Variants in PLXND1 observed in about 807,000 individuals in gnomAD.
PLXND1 encodes plexin-D1.
In PLXND1, 54 loss-of-function variants were observed where a neutral mutation model predicts 197.7. The observed-to-expected ratio is 0.27, with a 90% CI of 0.22 to 0.34. PLXND1 has a LOEUF of 0.34. Among genes scored for constraint, PLXND1 ranks in the 10% least tolerant of loss-of-function variants. PLXND1 has a pLI of 1.00. For missense variants in PLXND1, 2,127 were observed against 2,699.2 expected, an observed-to-expected ratio of 0.79 and a Z score of 4.70; for synonymous variants, 1,180 against 1,161.2, an observed-to-expected ratio of 1.02 and a Z score of -0.33.
In PLXND1 at chr3:129,561,982, GGA is replaced by G. The variant is rs1304050565; in HGVS notation, c.4826-81_4826-80del. 4 of 893,958 alleles carry G rather than the reference GGA, an allele frequency of 4.5e-6. No homozygotes were observed. The African/African-American group carries it at 6.6e-5, about 15-fold the overall frequency. 55.4% of individuals were successfully genotyped at this position (893,958 alleles called of 1,614,324 possible). ...GGTAGGTACCGGCCCAGCCACATAG[GGA>G]GAGGCCTCTCGCTCTCTCCATGTAA... On this transcript the variant is annotated intron_variant, in intron 27 of 35. Coordinates refer to ENST00000324093, the MANE Select transcript of PLXND1 (RefSeq NM_015103.3).
intron 8 of PLXND1, among the ~76,000 whole-genome samples, chr3:129,581,709 C>A (rs2085389858): frequency 6.6e-6 from 1 of 152,226 alleles, no homozygotes; most frequent in African/African-American, 2.4e-5. Context: ...CATACAGCCA[C>A]AGCTCACACC....
Position 129,583,821 on chromosome 3 carries a change from T to C in PLXND1, c.2139-152A>G, listed in dbSNP as rs1370279200. The stretch of plus-strand genomic sequence containing the variant: ...GGGAAAGATTGGGTCTTTAAGGTAG[T>C]GAGCTGCCTGCTAACAAGAGGTATA... On this transcript the variant is annotated intron_variant, in intron 7 of 35. Transcript: ENST00000324093. The C allele has an allele frequency of 8.0e-6, 5 of 622,736 alleles. No homozygotes were observed. The East Asian group carries it at 8.2e-5, about 10-fold the overall frequency. 38.6% of individuals were successfully genotyped at this position (622,736 alleles called of 1,614,324 possible).
chr3:129,569,626 G>T (rs1166360824), intron 20 of PLXND1: 21 of 549,508 alleles, frequency 3.8e-5, no homozygotes, highest in Non-Finnish European at 5.9e-5. Flanking sequence ...CGTGGGCCTA[G>T]CATATCCCCT....
intron 23 of PLXND1, chr3:129,566,310 C>T: frequency 6.6e-6 from 4 of 604,430 alleles, no homozygotes; most frequent in Non-Finnish European, 1.2e-5. Context: ...GCCCAATCCT[C>T]TGTCTGCTCT....
intron 1 of PLXND1, among the ~76,000 whole-genome samples, chr3:129,604,826 G>A (rs940446179): frequency 1.1e-4 from 17 of 152,216 alleles, no homozygotes; most frequent in African/African-American, 3.6e-4. Flanking sequence ...TGGCACACAA[G>A]TCCATGCAGA....
chr3:129,589,323 C>CAA, intron 2 of PLXND1, 28 bp downstream of exon 2: 2 of 1,044,016 alleles, frequency 1.9e-6, no homozygotes, highest in Non-Finnish European at 1.4e-6. Flanking sequence ...CACCCCCACC[C>CAA]CCTCCCCACA....
chr3:129,605,983 G>A lies in PLXND1; in HGVS notation c.657C>T (p.Ser219=). ...VGATYTGYGS[S]FFPRNRSLED... ...CCAGGCTGCGGTTGCGCGGGAAGAA[G>A]GAGCTGCCGTAACCGGTGTACGTGG... Residue 219 remains serine, a synonymous_variant, in exon 1 of 36, where the codon TCC becomes TCT. Transcript: ENST00000324093. The A allele has an allele frequency of 6.2e-7, 1 of 1,610,416 alleles. No individual in the cohort carries two copies. Among genetic ancestry groups the A allele is most frequent in the African/African-American group, 1.3e-5 (1 of 75,020 alleles).
chr3:129,595,921 G>GCACGCACA (rs1553793028), intron 1 of PLXND1, among the ~76,000 whole-genome samples: 11 of 146,514 alleles, frequency 7.5e-5, no homozygotes, highest in South Asian at 4.4e-4. Context: ...GTGCACGCAC[G>GCACGCACA]CACACACACA....
chr3:129,559,921 C>T, intron 31 of PLXND1, 138 bp from the exon 32 acceptor site: 2 of 737,190 alleles, frequency 2.7e-6, no homozygotes, highest in Non-Finnish European at 4.3e-6. Context: ...GGTCACCGAG[C>T]CTCTCTGGCT....
intron 8 of PLXND1, among the ~76,000 whole-genome samples, chr3:129,579,062 C>T (rs186134995): frequency 1.3e-5 from 2 of 152,284 alleles, no homozygotes; most frequent in East Asian, 3.9e-4. Context: ...CCAGGAAGGG[C>T]CCCGGGCTCA....
At chr3:129,563,319 C>A (rs2085090585) in intron 25 of PLXND1, 79 bp from the exon 26 acceptor site, 3 of 1,219,836 alleles carry the variant, frequency 2.5e-6, no homozygotes, top group Non-Finnish European at 3.4e-6. Context: ...ACCTTCACGC[C>A]CCCGTCCCCC....
chr3:129,575,574 C>A lies in PLXND1; in HGVS notation c.2437-12G>T, dbSNP rs750692518. The A allele has an allele frequency of 6.5e-7, 1 of 1,543,964 alleles. No homozygotes were observed. The highest frequency in any genetic ancestry group is 1.2e-5 in the South Asian group (1 of 83,966). On this transcript the variant is annotated splice_polypyrimidine_tract_variant and intron_variant, in intron 10 of 35. Coordinates refer to ENST00000324093, the MANE Select transcript of PLXND1 (RefSeq NM_015103.3). ...CGGGTCGTGTGCAGCTGCAAAAGGG[C>A]AGAAAAGAGCATAGGGGGCATGGGC...
chr3:129,572,597 C>T lies in PLXND1; in HGVS notation c.3077+12G>A. 2 of 1,506,644 alleles carry T rather than the reference C, an allele frequency of 1.3e-6. No individual in the cohort carries two copies. Among genetic ancestry groups the T allele is most frequent in the South Asian group, 1.4e-5 (1 of 73,426 alleles). The allele number at this position is 1,506,644 out of a possible 1,614,324, so 93.3% of individuals were successfully genotyped here. A position where few individuals can be genotyped will look rare whatever the true frequency, so the allele number is the denominator to read the frequency against. ...CTGGGCTGGAAGGGATGGGCCAGGC[C>T]CAGAGGCTTACATCAGCTCCGTGCA... On this transcript the variant is annotated intron_variant, in intron 15 of 35. Coordinates refer to ENST00000324093, the MANE Select transcript of PLXND1 (RefSeq NM_015103.3).
chr3:129,596,171 T>C (rs2085619190), intron 1 of PLXND1, among the ~76,000 whole-genome samples: 1 of 151,962 alleles, frequency 6.6e-6, no homozygotes, highest in African/African-American at 2.4e-5. Context: ...ATGTTCCCAA[T>C]TAGCTATGCA....
chr3:129,594,885 C>T lies in PLXND1; in HGVS notation c.1312-5358G>A, dbSNP rs556853569. Among the ~76,000 whole-genome samples, 339 of 152,116 alleles carry T rather than the reference C, an allele frequency of 2.2e-3. 3 individuals are homozygous for T. Among genetic ancestry groups the T allele is most frequent in the African/African-American group, 7.7e-3 (319 of 41,514 alleles). ...TTTATTTTGTAAAAAAAAAAAACCCCGCAAAGCAGGTCACATCTCCTGTGC... is the reference window on the plus strand; with the variant it reads ...TTTATTTTGTAAAAAAAAAAAACCCTGCAAAGCAGGTCACATCTCCTGTGC... On this transcript the variant is annotated intron_variant, in intron 1 of 35. Transcript: ENST00000324093.
chr3:129,605,486 G>A lies in PLXND1; in HGVS notation c.1154C>T (p.Pro385Leu). 6.7e-7 allele frequency: 1 copy of A among 1,488,950 alleles called. No homozygotes were observed. Among genetic ancestry groups the A allele is most frequent in the Non-Finnish European group, 8.9e-7 (1 of 1,128,702 alleles). 92.2% of individuals were successfully genotyped at this position (1,488,950 alleles called of 1,614,324 possible). ...GAAGCGGAAGGCGCAGAGTGCGGCC[G>A]GAGCAGCGCGGGCCGCGGGGGACCC... Reference protein sequence around the residue: ...PQGSPAARAAPAALCAFRFAD... With the variant: ...PQGSPAARAALAALCAFRFAD... The change falls in exon 1 of 36, where the codon CCG becomes CTG. Residue 385 changes from proline (P) to leucine (L), a missense_variant. Pro to Leu is a moderately conservative substitution (Grantham distance 98). Around this residue, in one of 6 missense-constraint regions of PLXND1, gnomAD observed 1,095 missense variants for 1,259.8 expected, o/e 0.87. Coordinates refer to ENST00000324093, the MANE Select transcript of PLXND1 (RefSeq NM_015103.3).
Position 129,605,342 on chromosome 3 carries a change from T to C in PLXND1, c.1298A>G (p.Lys433Arg), listed in dbSNP as rs751158324. The C allele has an allele frequency of 6.9e-7, 1 of 1,439,200 alleles. No individual in the cohort carries two copies. The highest frequency in any genetic ancestry group is 9.1e-7 in the Non-Finnish European group (1 of 1,101,408). 89.2% of individuals were successfully genotyped at this position (1,439,200 alleles called of 1,614,324 possible). The change falls in exon 1 of 36, where the codon AAG becomes AGG. Residue 433 changes from lysine (K) to arginine (R), a missense_variant. This residue lies in a region of PLXND1 where 1,095 missense variants were observed against 1,259.8 expected (regional missense o/e 0.87). Transcript: ENST00000324093. ...GCCCGGGTGTACCTGGATGTTGAGC[T>C]TGCGCTCACAGGCCGGTCCCGTGCC... ...VQGTGPACERKLNIQLQPEQL... is the reference protein window; with the variant it reads ...VQGTGPACERRLNIQLQPEQL...
chr3:129,559,745 G>A lies in PLXND1; in HGVS notation c.5172C>T (p.Ala1724=). ...LQKFLDDLFK[A]ILSIREDKPP... is the part of the protein sequence containing the mutation. The stretch of plus-strand genomic sequence containing the variant: ...GCTTGTCTTCACGGATACTCAGAAT[G>A]GCCTTGAACAGGTCATCCAGAAACT... The change falls in exon 32 of 36, where the codon GCC becomes GCT. Residue 1724 remains alanine, a synonymous_variant. Transcript: ENST00000324093. 1.2e-6 allele frequency: 2 copies of A among 1,611,158 alleles called. No homozygotes were observed. The highest frequency in any genetic ancestry group is 1.7e-6 in the Non-Finnish European group (2 of 1,178,826).
At chr3:129,570,100 T>C (rs999560226) in intron 19 of PLXND1, 143 bp from the exon 20 acceptor site, 1 of 639,626 alleles carries the variant, frequency 1.6e-6, no homozygotes, top group Admixed American at 2.2e-5. Context: ...GATAACAATG[T>C]CCACCTCCTG....
Sources: gnomAD v4.1 joint callset for allele counts (sites outside exome capture counted in the v4.1 genomes callset) on GRCh38, gnomAD v4.1.1 for gene constraint, gnomAD v4.1.1 regional missense constraint, MANE v1.5 for transcripts, NCBI Gene and HGNC (gene_info 2026-07-23, HGNC 2026-07-21) for gene names.